CYP26B1: variants seen among roughly 807,000 people sequenced by gnomAD.
The protein encoded by CYP26B1 is cytochrome P450 26B1.
CYP26B1 carries 8 observed loss-of-function variants against 39.1 expected under a neutral mutation model. The ratio of observed to expected loss-of-function variants is 0.20; its 90% CI spans 0.12 to 0.37. The LOEUF is 0.37. CYP26B1 is among the 10% of genes least tolerant of loss of function. The pLI, the probability that CYP26B1 is intolerant of heterozygous loss-of-function variation, is 1.00. For synonymous variants in CYP26B1, 321 were observed against 314.3 expected, an observed-to-expected ratio of 1.02 and a Z score of -0.23; for missense variants, 615 against 707.0, an observed-to-expected ratio of 0.87 and a Z score of 1.48.
In CYP26B1 at chr2:72,147,541, C is replaced by A. The variant is rs939768754; in HGVS notation, c.204+90G>T. The A allele has an allele frequency of 5.0e-5, 67 of 1,343,598 alleles. No homozygotes were observed. The highest frequency in any genetic ancestry group is 5.7e-5 in the Non-Finnish European group (58 of 1,010,002). The allele number at this position is 1,343,598 out of a possible 1,614,324, so 83.2% of individuals were successfully genotyped here. On this transcript the variant is annotated intron_variant, in intron 1 of 5. Transcript: ENST00000001146. This position sits in a 1 kb window ranked among gnomAD's most constrained non-coding sequence, Gnocchi z 6.1. ...GGGCGGGGACCAGTGCCTTCAGGCT[C>A]CCGGCGCCCCCTGGCCGGCCCGCCG... is the stretch of plus-strand genomic sequence containing the variant.
intron 2 of CYP26B1, among the ~76,000 whole-genome samples, chr2:72,139,029 G>A (rs1421315585): frequency 6.6e-6 from 1 of 152,196 alleles, no homozygotes; most frequent in Non-Finnish European, 1.5e-5. Flanking sequence ...CCATGGCCCT[G>A]CGTGCTGCGC....
At position 72,147,786 on chromosome 2, in the gene CYP26B1, C is replaced by T; in HGVS notation, c.49G>A (p.Ala17Thr). The part of the protein sequence containing the change: ...DLVSALATLA[A>T]CLVSVTLLLA... ...AGCAGCGTCACGGACACCAGGCACG[C>T]GGCGAGGGTGGCCAGCGCCGACACC... Residue 17 changes from alanine to threonine, a missense_variant, in exon 1 of 6, where the codon GCG (alanine) becomes ACG (threonine). Coordinates refer to ENST00000001146, the MANE Select transcript of CYP26B1 (RefSeq NM_019885.4). This position sits in a 1 kb window ranked among gnomAD's most constrained non-coding sequence, Gnocchi z 6.1. 1.9e-6 allele frequency: 3 copies of T among 1,565,182 alleles called. No individual in the cohort carries two copies. The Admixed American group carries it at 5.6e-5, about 29-fold the overall frequency.
In CYP26B1 at chr2:72,129,836, A is replaced by ACACG. The variant is rs1676507266; in HGVS notation, c.*2390_*2391insCGTG. 1.3e-5 allele frequency: 2 copies of ACACG among 151,586 alleles called. No homozygotes were observed. Among genetic ancestry groups the ACACG allele is most frequent in the Non-Finnish European group, 2.9e-5 (2 of 67,934 alleles). 9.4% of individuals were successfully genotyped at this position (151,586 alleles called of 1,614,324 possible). ...CCATCTAATGCTAGCTGTATGAAAC[A>ACACG]CACACGCACACGCACAGACACGGGC... On this transcript the variant is annotated 3_prime_UTR_variant, in exon 6 of 6. Transcript: ENST00000001146.
chr2:72,144,258 G>C (rs371135745), intron 1 of CYP26B1, 45 bp from the exon 2 acceptor site: 11 of 1,557,140 alleles, frequency 7.1e-6, no homozygotes, highest in African/African-American at 2.7e-5. Flanking sequence ...CACTTCTGCA[G>C]AGGGCCCGCG....
intron 1 of CYP26B1, chr2:72,144,437 C>A: frequency 7.4e-7 from 1 of 1,349,212 alleles, no homozygotes; most frequent in Non-Finnish European, 9.5e-7. Flanking sequence ...GGCCCAGGGG[C>A]ACCCCCAGGA....
Position 72,135,529 on chromosome 2 carries a change from A to C in CYP26B1, c.430-110T>G, listed in dbSNP as rs115700677. On this transcript the variant is annotated intron_variant, in intron 2 of 5. Coordinates refer to ENST00000001146, the MANE Select transcript of CYP26B1 (RefSeq NM_019885.4). Reference sequence around the variant, plus strand: ...GACTGGAGAGAACTTCAGCTTCCACACAACAGCAAAGCCTTGGGAGCTGGG... The same window carrying C: ...GACTGGAGAGAACTTCAGCTTCCACCCAACAGCAAAGCCTTGGGAGCTGGG... The C allele has an allele frequency of 2.3e-3, 3,398 of 1,488,204 alleles. 76 individuals carry two copies. The African/African-American group carries it at 0.042, about 18-fold the overall frequency. The allele number at this position is 1,488,204 out of a possible 1,614,324, so 92.2% of individuals were successfully genotyped here.
intron 4 of CYP26B1, 82 bp downstream of exon 4, chr2:72,134,679 C>G: frequency 6.5e-6 from 10 of 1,543,886 alleles, no homozygotes; most frequent in Non-Finnish European, 8.8e-6. Flanking sequence ...GTAGAAATGG[C>G]TGGGCACATT....
At chr2:72,145,076 C>T (rs980314141) in intron 1 of CYP26B1, among the ~76,000 whole-genome samples, 3 of 152,152 alleles carry the variant, frequency 2.0e-5, no homozygotes, top group African/African-American at 7.2e-5. Flanking sequence ...CCCCACCCCA[C>T]GTTAACCCTT....
chr2:72,137,060 G>A (rs1278423616), intron 2 of CYP26B1, among the ~76,000 whole-genome samples: 1 of 152,182 alleles, frequency 6.6e-6, no homozygotes, highest in Non-Finnish European at 1.5e-5. Flanking sequence ...GGGCCAGAAA[G>A]GTCATACCTG....
In CYP26B1 at chr2:72,132,636, G is replaced by C; in HGVS notation, c.1147-17C>G. 5 of 1,584,160 alleles carry C rather than the reference G, an allele frequency of 3.2e-6. No individual in the cohort carries two copies. Among genetic ancestry groups the C allele is most frequent in the Non-Finnish European group, 4.3e-6 (5 of 1,165,342 alleles). On this transcript the variant is annotated splice_polypyrimidine_tract_variant and intron_variant, in intron 5 of 5. Coordinates refer to ENST00000001146, the MANE Select transcript of CYP26B1 (RefSeq NM_019885.4). Reference sequence around the variant, plus strand: ...CTGGAAACCCTGGAGCAAGATGGGGGCCGAGGAGTGGGTGGTGAGAGCCAG... The same window carrying C: ...CTGGAAACCCTGGAGCAAGATGGGGCCCGAGGAGTGGGTGGTGAGAGCCAG...
In CYP26B1 at chr2:72,144,019, G is replaced by T. The variant is rs2104094680; in HGVS notation, c.399C>A (p.Ser133=). Residue 133 remains serine (S), a synonymous_variant, in exon 2 of 6, where the codon TCC becomes TCA. Transcript: ENST00000001146. ...MLLGPNTVSN[S]IGDIHRNKRK... ...GCTTGTTGCGGTGGATGTCGCCAAT[G>T]GAATTGGACACCGTGTTGGGGCCCA... is the stretch of plus-strand genomic sequence containing the variant. The T allele has an allele frequency of 6.2e-7, 1 of 1,613,760 alleles. No homozygotes were observed. The highest frequency in any genetic ancestry group is 8.5e-7 in the Non-Finnish European group (1 of 1,180,038).
chr2:72,139,212 A>G (rs1390039613), intron 2 of CYP26B1, among the ~76,000 whole-genome samples: 3 of 152,004 alleles, frequency 2.0e-5, no homozygotes, highest in African/African-American at 7.2e-5. Flanking sequence ...TGGGCAGGCC[A>G]CCCGGCCAAG....
At position 72,131,871 on chromosome 2, in the gene CYP26B1, A is replaced by G; in HGVS notation, c.*356T>C. On this transcript the variant is annotated 3_prime_UTR_variant, in exon 6 of 6. Coordinates refer to ENST00000001146, the MANE Select transcript of CYP26B1 (RefSeq NM_019885.4). ...TTCCCGTCCCCCAACCCCAGCTAAAAGGGTCCGAAAGGAACGGAGGGAAGG... is the reference window on the plus strand; with the variant it reads ...TTCCCGTCCCCCAACCCCAGCTAAAGGGGTCCGAAAGGAACGGAGGGAAGG... The G allele has an allele frequency of 8.0e-6, 2 of 250,714 alleles. No homozygotes were observed. The highest frequency in any genetic ancestry group is 1.0e-4 in the East Asian group (1 of 9,958). The allele number at this position is 250,714 out of a possible 1,614,324, so 15.5% of individuals were successfully genotyped here. A position where few individuals can be genotyped will look rare whatever the true frequency, so the allele number is the denominator to read the frequency against.
intron 2 of CYP26B1, among the ~76,000 whole-genome samples, chr2:72,141,733 C>T (rs1220169627): frequency 6.6e-6 from 1 of 152,236 alleles, no homozygotes. Context: ...GAAACAGTGG[C>T]CCTGAGTGTT....
intron 1 of CYP26B1, among the ~76,000 whole-genome samples, chr2:72,144,946 G>A (rs1044326119): frequency 2.1e-4 from 32 of 152,324 alleles, no homozygotes; most frequent in African/African-American, 7.0e-4. Flanking sequence ...CGGGGCCGGG[G>A]CCGGCCGGAC....
At chr2:72,136,875 G>A (rs1393869122) in intron 2 of CYP26B1, among the ~76,000 whole-genome samples, 1 of 152,206 alleles carries the variant, frequency 6.6e-6, no homozygotes, top group African/African-American at 2.4e-5. Context: ...ACTTCTTCTA[G>A]AGACCAGCGC....
intron 2 of CYP26B1, among the ~76,000 whole-genome samples, chr2:72,140,307 C>A (rs1676906460): frequency 6.6e-6 from 1 of 152,240 alleles, no homozygotes; most frequent in South Asian, 2.1e-4. Context: ...TGACCGTGGG[C>A]TCCCTCCCCC....
rs577204552 is a variant in CYP26B1 at position 72,142,765 on chromosome 2, A to G, written c.429+1224T>C. Among the ~76,000 whole-genome samples the G allele has an allele frequency of 2.4e-4, 37 of 152,170 alleles. 1 individual carries two copies. In the South Asian group the frequency reaches 7.1e-3, roughly 29 times the overall value. ...CCAGAACTCCTCTCCCGCCGCCCCC[A>G]GGCTGTGGTAACTGCTTCCAGCTAG... On this transcript the variant is annotated intron_variant, in intron 2 of 5. Coordinates refer to ENST00000001146, the MANE Select transcript of CYP26B1 (RefSeq NM_019885.4).
chr2:72,134,844 CCT>C lies in CYP26B1; in HGVS notation c.776_777del (p.Gln259ArgfsTer13), dbSNP rs1364786807. The C allele has an allele frequency of 6.2e-7, 1 of 1,614,074 alleles. No homozygotes were observed. Among genetic ancestry groups the C allele is most frequent in the Non-Finnish European group, 8.5e-7 (1 of 1,180,030 alleles). On this transcript the variant is annotated frameshift_variant, in exon 4 of 6. Transcript: ENST00000001146. LOFTEE classifies it high-confidence loss of function. The stretch of plus-strand genomic sequence containing the variant: ...TCCAGGGCGTCCAAGTAGTCCTTGC[CCT>C]GTGTGCACTGCAGCTTCTCCCGGAT... ...KAIREKLQCT[Q>X]GKDYLDALDL...
Sources: allele counts gnomAD v4.1 joint callset (sites outside exome capture counted in the v4.1 genomes callset), GRCh38; gene constraint gnomAD v4.1.1; non-coding constraint Gnocchi (gnomAD v3.1); transcripts MANE v1.5; gene names NCBI Gene and HGNC (gene_info 2026-07-23, HGNC 2026-07-21).